Variants in TRIOBP observed in about 807,000 individuals in gnomAD.
TRIOBP encodes the protein TRIO and F-actin-binding protein.
Under a neutral mutation model 238.8 loss-of-function variants are expected in TRIOBP, and 169 were observed. The observed-to-expected ratio is 0.71, with a 90% confidence interval of 0.62 to 0.80. TRIOBP has a LOEUF of 0.80. Ranked by LOEUF, TRIOBP falls within the 30% of genes least tolerant of loss-of-function variation. The pLI is 0.00. For synonymous variants in TRIOBP, 1,150 were observed against 1,274.4 expected, an observed-to-expected ratio of 0.90 and a Z score of 2.08; for missense variants, 2,838 against 3,122.6, an observed-to-expected ratio of 0.91 and a Z score of 2.17.
Position 37,734,635 on chromosome 22 carries a change from G to T in TRIOBP, c.4299G>T (p.Pro1433=). 3 of 1,589,850 alleles carry T rather than the reference G, an allele frequency of 1.9e-6. No homozygotes were observed. The highest frequency in any genetic ancestry group is 1.3e-5 in the African/African-American group (1 of 74,622). Reference sequence around the variant, plus strand: ...GGGTGTGGCAGAGTCAGGAGGAACCGCCAGGGTCCCAGGGCCCTCATAGAC... The same window carrying T: ...GGGTGTGGCAGAGTCAGGAGGAACCTCCAGGGTCCCAGGGCCCTCATAGAC... ...PLGVWQSQEE[P]PGSQGPHRHL... Residue 1433 remains proline (P), a synonymous_variant, in exon 9 of 24, where the codon CCG becomes CCT. Transcript: ENST00000644935.
chr22:37,745,646 T>A (rs1357712382), intron 11 of TRIOBP, among the ~76,000 whole-genome samples: 2 of 152,188 alleles, frequency 1.3e-5, no homozygotes, highest in Non-Finnish European at 2.9e-5. Flanking sequence ...CGCTAGGAAT[T>A]CCGCCTCTTC....
intron 2 of TRIOBP, among the ~76,000 whole-genome samples, chr22:37,701,099 G>T (rs1184089063): frequency 6.6e-6 from 1 of 152,200 alleles, no homozygotes; most frequent in African/African-American, 2.4e-5. Flanking sequence ...TCAAATGCTG[G>T]CAGAGTGCCT....
intron 12 of TRIOBP, among the ~76,000 whole-genome samples, chr22:37,753,714 G>A (rs1413711489): frequency 6.6e-6 from 1 of 152,236 alleles, no homozygotes; most frequent in Non-Finnish European, 1.5e-5. Flanking sequence ...AGGCAATGTG[G>A]AAAGAAGCAG....
At chr22:37,766,143 C>G (rs1926484815) in intron 18 of TRIOBP, among the ~76,000 whole-genome samples, 1 of 152,192 alleles carries the variant, frequency 6.6e-6, no homozygotes. Context: ...AGAGGCTGAT[C>G]AGCTGCATCC....
At chr22:37,750,233 A>T (rs1925511012) in intron 11 of TRIOBP, among the ~76,000 whole-genome samples, 1 of 152,198 alleles carries the variant, frequency 6.6e-6, no homozygotes, top group Non-Finnish European at 1.5e-5. Context: ...ACAGCTTGTC[A>T]TTCCTGCCCC....
At chr22:37,731,322 T>C (rs1000369845) in intron 7 of TRIOBP, among the ~76,000 whole-genome samples, 2 of 151,864 alleles carry the variant, frequency 1.3e-5, no homozygotes, top group South Asian at 2.1e-4. Context: ...AATTTTTTTT[T>C]CCTAGAACAA....
intron 2 of TRIOBP, 59 bp from the exon 3 acceptor site, chr22:37,701,247 G>A: frequency 1.3e-6 from 1 of 763,634 alleles, no homozygotes; most frequent in Admixed American, 2.0e-5. Flanking sequence ...ACTGGGGCTG[G>A]GGTTCAGGTG....
Position 37,699,444 on chromosome 22 carries a change from C to T in TRIOBP, c.-61+1748C>T, listed in dbSNP as rs190184428. Among the ~76,000 whole-genome samples, 25 of 152,160 alleles carry T rather than the reference C, an allele frequency of 1.6e-4. No individual in the cohort carries two copies. The East Asian group carries it at 4.2e-3, about 26-fold the overall frequency. On this transcript the variant is annotated intron_variant, in intron 2 of 23. Coordinates refer to ENST00000644935, the MANE Select transcript of TRIOBP (RefSeq NM_001039141.3). ...CAGTGACCGAAGGAACCTCTCTGAGCCTTAGTTGCCTGATCTAAAATTGGC... is the reference window on the plus strand; with the variant it reads ...CAGTGACCGAAGGAACCTCTCTGAGTCTTAGTTGCCTGATCTAAAATTGGC...
intron 11 of TRIOBP, among the ~76,000 whole-genome samples, chr22:37,749,188 C>T (rs1925440120): frequency 6.6e-6 from 1 of 151,976 alleles, no homozygotes; most frequent in Non-Finnish European, 1.5e-5. Flanking sequence ...AATCCCATCT[C>T]TACTAAAAAT....
chr22:37,750,990 A>G (rs1427959290), intron 11 of TRIOBP: 2 of 373,248 alleles, frequency 5.4e-6, no homozygotes, highest in African/African-American at 4.3e-5. Flanking sequence ...CTGCAGAGGG[A>G]CCGGGACTTA....
At chr22:37,716,034 G>A in intron 6 of TRIOBP, 100 bp downstream of exon 6, 1 of 1,294,810 alleles carries the variant, frequency 7.7e-7, no homozygotes, top group Non-Finnish European at 1.1e-6. Context: ...GCTTACTTTG[G>A]TGGCCTGAGT....
intron 6 of TRIOBP, among the ~76,000 whole-genome samples, chr22:37,720,879 A>C (rs1038748432): frequency 1.3e-5 from 2 of 152,020 alleles, no homozygotes; most frequent in Non-Finnish European, 2.9e-5. Flanking sequence ...GTTTTCTGAG[A>C]CAGAGTCTCG....
chr22:37,735,322 C>CCAGT lies in TRIOBP; in HGVS notation c.4987_4990dup (p.Trp1664SerfsTer47), dbSNP rs1304850924. ...TGCCCAGCCCTGCCTGCACCTCCAC[C>CCAGT]CAGTGGCCAAAGATCAAAGTGACAA... On this transcript the variant is annotated frameshift_variant, in exon 9 of 24. Transcript: ENST00000644935. LOFTEE classifies it high-confidence loss of function. The CCAGT allele has an allele frequency of 6.2e-7, 1 of 1,613,276 alleles. No individual in the cohort carries two copies. The highest frequency in any genetic ancestry group is 8.5e-7 in the Non-Finnish European group (1 of 1,179,726).
chr22:37,754,456 C>T (rs924318229), intron 12 of TRIOBP, among the ~76,000 whole-genome samples: 1 of 150,296 alleles, frequency 6.7e-6, no homozygotes, highest in African/African-American at 2.5e-5. Context: ...TTGTGGCTGG[C>T]ACTCACTCCT....
intron 10 of TRIOBP, 84 bp from the exon 11 acceptor site, chr22:37,740,811 C>T (rs975893575): frequency 2.6e-6 from 4 of 1,544,234 alleles, no homozygotes; most frequent in African/African-American, 1.4e-5. Flanking sequence ...GGGGGCACCA[C>T]AGAATGGGCA....
At chr22:37,759,828 T>A in intron 17 of TRIOBP, 2 of 1,227,834 alleles carry the variant, frequency 1.6e-6, no homozygotes, top group Non-Finnish European at 2.1e-6. Flanking sequence ...TTGTCACAAC[T>A]AGGACAAACT....
intron 4 of TRIOBP, among the ~76,000 whole-genome samples, chr22:37,712,666 G>T (rs2145821415): frequency 6.6e-6 from 1 of 151,784 alleles, no homozygotes; most frequent in African/African-American, 2.4e-5. Context: ...TACTTTAAAG[G>T]GATGCTGTTG....
rs1317073017 is a variant in TRIOBP, at chr22:37,754,915, G to A, written c.5418G>A (p.Gln1806=). ...SPSLTTTSTS[Q]WKKHWFVLTD... Reference sequence around the variant, plus strand: ...CGCTCACCACCACCTCTACTTCGCAGTGGAAGAAACATTGGTTTGTGCTGA... The same window carrying A: ...CGCTCACCACCACCTCTACTTCGCAATGGAAGAAACATTGGTTTGTGCTGA... The change falls in exon 13 of 24, where the codon CAG becomes CAA. Residue 1806 remains glutamine (Q), a synonymous_variant. Transcript: ENST00000644935. The A allele has an allele frequency of 1.9e-6, 3 of 1,614,040 alleles. No homozygotes were observed. Among genetic ancestry groups the A allele is most frequent in the Admixed American group, 3.3e-5 (2 of 60,006 alleles).
At chr22:37,726,596 A>G in intron 7 of TRIOBP, 93 bp downstream of exon 7, 1 of 1,280,236 alleles carries the variant, frequency 7.8e-7, no homozygotes, top group Non-Finnish European at 1.0e-6. Context: ...AAAGTGTTCA[A>G]ATCCCCCTGG....
Sources: gnomAD v4.1 joint callset for allele counts (sites outside exome capture counted in the v4.1 genomes callset) on GRCh38, gnomAD v4.1.1 for gene constraint, MANE v1.5 for transcripts, NCBI Gene and HGNC (gene_info 2026-07-23, HGNC 2026-07-21) for gene names.